ACSS3: variants seen among roughly 807,000 people sequenced by gnomAD.
ACSS3 encodes acyl-CoA synthetase short-chain family member 3, mitochondrial.
ACSS3 carries 64 observed loss-of-function variants against 84.2 expected under a neutral mutation model. The ratio of observed to expected loss-of-function variants is 0.76; its 90% CI spans 0.62 to 0.94. The LOEUF is 0.94. Among genes scored for constraint, ACSS3 ranks in the 40% least tolerant of loss-of-function variants. The pLI, the probability that ACSS3 is intolerant of heterozygous loss-of-function variation, is 0.00. For synonymous variants in ACSS3, 317 were observed against 310.1 expected, an observed-to-expected ratio of 1.02 and a Z score of -0.23; for missense variants, 815 against 867.6, an observed-to-expected ratio of 0.94 and a Z score of 0.76.
chr12:81,130,123 TC>T (rs1290776608), intron 2 of ACSS3, among the ~76,000 whole-genome samples: 3 of 152,212 alleles, frequency 2.0e-5, no homozygotes, highest in Non-Finnish European at 2.9e-5. Context: ...TGATTTATAA[TC>T]CTTTGGGTAT....
At chr12:81,239,997 A>G (rs1315790502) in intron 13 of ACSS3, among the ~76,000 whole-genome samples, 1 of 151,966 alleles carries the variant, frequency 6.6e-6, no homozygotes, top group African/African-American at 2.4e-5. Flanking sequence ...TGCTTTGTCT[A>G]TGAAGTGTTA....
rs1049176190 is a variant in ACSS3 at position 81,199,279 on chromosome 12, G to A, written c.1251-62G>A. ...TGTGGTTAACCAATGTTTTTAAAAT[G>A]TAAATACAATTATTTAGATTTATTT... is the stretch of plus-strand genomic sequence containing the variant. On this transcript the variant is annotated intron_variant, in intron 8 of 15. Coordinates refer to ENST00000548058, the MANE Select transcript of ACSS3 (RefSeq NM_024560.4). The A allele has an allele frequency of 4.3e-5, 61 of 1,431,826 alleles. No homozygotes were observed. The South Asian group carries it at 6.2e-4, about 14-fold the overall frequency. 88.7% of individuals were successfully genotyped at this position (1,431,826 alleles called of 1,614,324 possible).
chr12:81,243,980 A>G (rs1378123793), intron 13 of ACSS3, among the ~76,000 whole-genome samples: 1 of 151,924 alleles, frequency 6.6e-6, no homozygotes, highest in Non-Finnish European at 1.5e-5. Context: ...ATTATTTTCC[A>G]TGTCTCCAAA....
chr12:81,166,224 G>T (rs1023871721), intron 7 of ACSS3, among the ~76,000 whole-genome samples: 11 of 152,138 alleles, frequency 7.2e-5, no homozygotes, highest in African/African-American at 2.7e-4. Flanking sequence ...TGAGAAGGAG[G>T]TTAGGGTGTC....
At chr12:81,234,790 T>C (rs969642000) in intron 13 of ACSS3, among the ~76,000 whole-genome samples, 1 of 151,414 alleles carries the variant, frequency 6.6e-6, no homozygotes, top group African/African-American at 2.4e-5. Flanking sequence ...TTATATATTC[T>C]ATATACAAGT....
chr12:81,078,536 T>C, intron 1 of ACSS3, 105 bp downstream of exon 1: 1 of 1,290,614 alleles, frequency 7.7e-7, no homozygotes, highest in Non-Finnish European at 1.1e-6. Context: ...GAAAGAAAAT[T>C]GAAACTGGAG....
At chr12:81,209,477 C>T (rs967336988) in intron 9 of ACSS3, among the ~76,000 whole-genome samples, 1 of 151,834 alleles carries the variant, frequency 6.6e-6, no homozygotes, top group South Asian at 2.1e-4. Context: ...CAGAAATCAG[C>T]CAGGGATTCT....
chr12:81,248,265 T>C, intron 13 of ACSS3, among the ~76,000 whole-genome samples: 1 of 152,070 alleles, frequency 6.6e-6, no homozygotes, highest in East Asian at 1.9e-4. Flanking sequence ...CCATGTTTGT[T>C]GCAGCAGTGC....
At chr12:81,103,944 G>A (rs1882744429) in intron 1 of ACSS3, among the ~76,000 whole-genome samples, 1 of 152,136 alleles carries the variant, frequency 6.6e-6, no homozygotes, top group South Asian at 2.1e-4. Context: ...GCTTCATAGG[G>A]AAAGGTTTTT....
At chr12:81,183,162 G>T (rs957462940) in intron 8 of ACSS3, among the ~76,000 whole-genome samples, 1 of 152,178 alleles carries the variant, frequency 6.6e-6, no homozygotes, top group African/African-American at 2.4e-5. Flanking sequence ...TTTTCCCCGT[G>T]TTAGCACAGA....
intron 1 of ACSS3, among the ~76,000 whole-genome samples, chr12:81,108,003 AAGAG>A (rs1305108317): frequency 7.2e-5 from 11 of 152,036 alleles, no homozygotes; most frequent in Non-Finnish European, 4.4e-5. Flanking sequence ...GCCCCAAATC[AAGAG>A]AGAGAGTCTC....
At chr12:81,184,544 A>G (rs1367019646) in intron 8 of ACSS3, among the ~76,000 whole-genome samples, 1 of 151,856 alleles carries the variant, frequency 6.6e-6, no homozygotes, top group African/African-American at 2.4e-5. Context: ...TAATGAAAAG[A>G]AGAGAAAAGA....
chr12:81,250,146 T>C (rs570215235), intron 13 of ACSS3, among the ~76,000 whole-genome samples: 1 of 152,206 alleles, frequency 6.6e-6, no homozygotes, highest in African/African-American at 2.4e-5. Context: ...TTTGATATTT[T>C]TCCCCCCATA....
intron 3 of ACSS3, among the ~76,000 whole-genome samples, chr12:81,137,530 CAAAT>C (rs1885873319): frequency 6.6e-6 from 1 of 151,996 alleles, no homozygotes; most frequent in Admixed American, 6.6e-5. Flanking sequence ...TCATGATCTT[CAAAT>C]AAATAGGCTA....
At chr12:81,111,694 C>T (rs1333089597) in intron 2 of ACSS3, among the ~76,000 whole-genome samples, 1 of 152,152 alleles carries the variant, frequency 6.6e-6, no homozygotes, top group Non-Finnish European at 1.5e-5. Flanking sequence ...GGGTCTTTCT[C>T]AGGGTATGGT....
intron 7 of ACSS3, among the ~76,000 whole-genome samples, chr12:81,168,585 G>A (rs1408190293): frequency 6.6e-6 from 1 of 152,146 alleles, no homozygotes; most frequent in East Asian, 1.9e-4. Context: ...AAGAGCTTCT[G>A]GGTCAGAGCT....
chr12:81,145,711 T>A (rs962588384), intron 5 of ACSS3, among the ~76,000 whole-genome samples: 1 of 152,144 alleles, frequency 6.6e-6, no homozygotes, highest in African/African-American at 2.4e-5. Flanking sequence ...AGAAGGATGG[T>A]TGGAGGCTAG....
intron 2 of ACSS3, among the ~76,000 whole-genome samples, chr12:81,110,942 A>G (rs1052294748): frequency 7.2e-5 from 11 of 152,280 alleles, no homozygotes; most frequent in Non-Finnish European, 1.3e-4. Context: ...CTTTGAAATC[A>G]TATTCTTTTT....
Position 81,259,574 on chromosome 12 carries a change from T to C in ACSS3, c.*4652T>C. The C allele has an allele frequency of 6.8e-7, 1 of 1,466,290 alleles. No individual in the cohort carries two copies. The highest frequency in any genetic ancestry group is 9.2e-7 in the Non-Finnish European group (1 of 1,085,398). The allele number at this position is 1,466,290 out of a possible 1,614,324, so 90.8% of individuals were successfully genotyped here. The stretch of plus-strand genomic sequence containing the variant: ...AATAAGTCATGACGTCATTATTTCC[T>C]TAGAATTCAGTTTTCACAAAGGTTT... On this transcript the variant is annotated 3_prime_UTR_variant, in exon 16 of 16. Coordinates refer to ENST00000548058, the MANE Select transcript of ACSS3 (RefSeq NM_024560.4).
Sources: allele counts gnomAD v4.1 joint callset (sites outside exome capture counted in the v4.1 genomes callset), GRCh38; gene constraint gnomAD v4.1.1; transcripts MANE v1.5; gene names NCBI Gene and HGNC (gene_info 2026-07-23, HGNC 2026-07-21).